Variants in CNNM2 observed in about 807,000 individuals in gnomAD.
CNNM2 encodes cyclin and CBS domain divalent metal cation transport mediator 2, also known as metal transporter CNNM2.
A neutral mutation model predicts 66.9 loss-of-function variants in CNNM2; 12 were observed. The ratio of observed to expected loss-of-function variants is 0.18; its 90% CI spans 0.11 to 0.29. The LOEUF is 0.29. CNNM2 is among the 10% of genes least tolerant of loss of function. The pLI is 1.00. For synonymous variants in CNNM2, 557 were observed against 501.8 expected, an observed-to-expected ratio of 1.11 and a Z score of -1.47; for missense variants, 705 against 1,167.7, an observed-to-expected ratio of 0.60 and a Z score of 5.77.
chr10:103,021,240 G>A (rs2064573463), intron 1 of CNNM2, among the ~76,000 whole-genome samples: 1 of 152,134 alleles, frequency 6.6e-6, no homozygotes, highest in Admixed American at 6.5e-5. Context: ...GAGCCCCACA[G>A]CCTCCCTGAC....
At chr10:103,039,441 A>T (rs957277633) in intron 1 of CNNM2, among the ~76,000 whole-genome samples, 9 of 152,092 alleles carry the variant, frequency 5.9e-5, no homozygotes. Context: ...CTGGCCTCTA[A>T]TACTAGGTTG....
chr10:102,962,783 A>G (rs2063402731), intron 1 of CNNM2, among the ~76,000 whole-genome samples: 2 of 151,388 alleles, frequency 1.3e-5, no homozygotes, highest in Non-Finnish European at 2.9e-5. Flanking sequence ...ATAATTTTTA[A>G]AAGACTAAGG....
chr10:103,040,094 G>T (rs1378830334), intron 1 of CNNM2, among the ~76,000 whole-genome samples: 1 of 152,054 alleles, frequency 6.6e-6, no homozygotes, highest in Non-Finnish European at 1.5e-5. Flanking sequence ...TTGAACCTGG[G>T]AGGTAGAGGT....
At chr10:103,034,441 T>C (rs1326549312) in intron 1 of CNNM2, among the ~76,000 whole-genome samples, 3 of 152,004 alleles carry the variant, frequency 2.0e-5, no homozygotes, top group African/African-American at 4.8e-5. Flanking sequence ...AAATGTACGG[T>C]GTGGTTTGAT....
chr10:102,930,257 T>G (rs1340283439), intron 1 of CNNM2, among the ~76,000 whole-genome samples: 1 of 152,224 alleles, frequency 6.6e-6, no homozygotes, highest in Non-Finnish European at 1.5e-5. Flanking sequence ...ACTGATTATT[T>G]GCACGGAATA....
intron 1 of CNNM2, among the ~76,000 whole-genome samples, chr10:103,010,379 A>G (rs1377535346): frequency 6.6e-6 from 1 of 152,086 alleles, no homozygotes; most frequent in Non-Finnish European, 1.5e-5. Context: ...CTGGGACTAC[A>G]GGCATGTGCC....
Position 103,090,157 on chromosome 10 carries a change from C to A in CNNM2, c.*12977C>A, listed in dbSNP as rs932079568. On this transcript the variant is annotated 3_prime_UTR_variant, in exon 8 of 8. Transcript: ENST00000369878. ...TGGAAAAGATGGAGAGGGGAGTTTA[C>A]TTTCTATTTTACAGCAAAAACAAGA... 4.0e-5 allele frequency: 17 copies of A among 425,770 alleles called. No individual in the cohort carries two copies. Among genetic ancestry groups the A allele is most frequent in the Non-Finnish European group, 7.0e-5 (17 of 241,364 alleles). 26.4% of individuals were successfully genotyped at this position (425,770 alleles called of 1,614,324 possible). A position where few individuals can be genotyped will look rare whatever the true frequency, so the allele number is the denominator to read the frequency against.
intron 1 of CNNM2, among the ~76,000 whole-genome samples, chr10:102,924,730 A>G (rs1845789590): frequency 6.6e-6 from 1 of 151,904 alleles, no homozygotes; most frequent in South Asian, 2.1e-4. Flanking sequence ...TGAGCCTTCC[A>G]AGGTGCTGGG....
At chr10:103,032,887 G>T (rs1414815898) in intron 1 of CNNM2, among the ~76,000 whole-genome samples, 3 of 151,808 alleles carry the variant, frequency 2.0e-5, no homozygotes, top group African/African-American at 7.3e-5. Context: ...GGAGGCTGAG[G>T]TGGATGGATT....
chr10:103,044,266 G>T (rs2065091646), intron 1 of CNNM2, among the ~76,000 whole-genome samples: 1 of 151,946 alleles, frequency 6.6e-6, no homozygotes, highest in African/African-American at 2.4e-5. Flanking sequence ...GTTAAGAAAG[G>T]TCCTATTTGA....
rs1312983722 is a variant in CNNM2 at position 102,920,052 on chromosome 10, T to C, written c.1572T>C (p.Phe524=). The C allele has an allele frequency of 6.2e-7, 1 of 1,614,242 alleles. No homozygotes were observed. Among genetic ancestry groups the C allele is most frequent in the Admixed American group, 1.7e-5 (1 of 60,028 alleles). ...ITKFYNHPLH[F]VFNDTKLDAM... Reference sequence around the variant, plus strand: ...AATTTTATAACCACCCCTTGCACTTTGTTTTCAATGACACCAAGTTGGACG... The same window carrying C: ...AATTTTATAACCACCCCTTGCACTTCGTTTTCAATGACACCAAGTTGGACG... Residue 524 remains phenylalanine, a synonymous_variant, in exon 1 of 8, where the codon TTT becomes TTC. Coordinates refer to ENST00000369878, the MANE Select transcript of CNNM2 (RefSeq NM_017649.5).
At chr10:103,062,554 A>T (rs2065405420) in intron 4 of CNNM2, among the ~76,000 whole-genome samples, 1 of 152,250 alleles carries the variant, frequency 6.6e-6, no homozygotes. Context: ...TCCTTTGCTT[A>T]GAACTCTTAT....
chr10:103,075,917 G>A (rs564917212), intron 6 of CNNM2, among the ~76,000 whole-genome samples, 169 bp from the exon 7 acceptor site: 14 of 152,344 alleles, frequency 9.2e-5, no homozygotes, highest in African/African-American at 3.4e-4. Context: ...AGGGAAGCCC[G>A]CGAGTCCGCC....
At chr10:103,029,903 G>C (rs1222303689) in intron 1 of CNNM2, among the ~76,000 whole-genome samples, 2 of 151,942 alleles carry the variant, frequency 1.3e-5, no homozygotes, top group Non-Finnish European at 2.9e-5. Context: ...GAGTGAGATA[G>C]TTATTAATAC....
At chr10:102,989,648 C>A (rs1453210568) in intron 1 of CNNM2, among the ~76,000 whole-genome samples, 1 of 151,646 alleles carries the variant, frequency 6.6e-6, no homozygotes, top group Non-Finnish European at 1.5e-5. Flanking sequence ...ACTAAAAATA[C>A]AAAAATTAGC....
chr10:102,918,456 A>T lies in CNNM2; in HGVS notation c.-25A>T. On this transcript the variant is annotated 5_prime_UTR_variant, in exon 1 of 8. The change creates a premature stop within an existing upstream ORF in the 5' untranslated region. Transcript: ENST00000369878. The surrounding 1 kb of genome is among the most constrained non-coding windows in gnomAD (Gnocchi z 4.1). ...CTCGCGCCGCCGGGTTGAAAGGATG[A>T]AGCCGCAGCTGGAGCAGCCACCCTA... The T allele has an allele frequency of 6.3e-7, 1 of 1,594,644 alleles. No homozygotes were observed. The highest frequency in any genetic ancestry group is 8.5e-7 in the Non-Finnish European group (1 of 1,174,434).
chr10:103,022,140 C>T (rs970461510), intron 1 of CNNM2, among the ~76,000 whole-genome samples: 16 of 152,104 alleles, frequency 1.1e-4, no homozygotes, highest in African/African-American at 3.9e-4. Context: ...CAGTTTCTAC[C>T]GCGTCAGCTG....
intron 1 of CNNM2, among the ~76,000 whole-genome samples, chr10:103,005,705 T>C (rs1303406856): frequency 6.6e-6 from 1 of 152,144 alleles, no homozygotes; most frequent in Non-Finnish European, 1.5e-5. Flanking sequence ...TATTGGTAAA[T>C]TCACTTACCA....
intron 1 of CNNM2, among the ~76,000 whole-genome samples, chr10:102,983,224 T>C (rs1213345628): frequency 6.6e-6 from 1 of 151,344 alleles, no homozygotes; most frequent in Non-Finnish European, 1.5e-5. Flanking sequence ...TGTGTTTTGC[T>C]TTTTTGATAA....
Sources: allele counts gnomAD v4.1 joint callset (sites outside exome capture counted in the v4.1 genomes callset), GRCh38; gene constraint gnomAD v4.1.1; non-coding constraint Gnocchi (gnomAD v3.1); transcripts MANE v1.5; gene names NCBI Gene and HGNC (gene_info 2026-07-23, HGNC 2026-07-21).